TG: variants seen among roughly 807,000 people sequenced by gnomAD.
TG encodes thyroid hormones.
A neutral mutation model predicts 324.7 loss-of-function variants in TG; 270 were observed. The observed-to-expected ratio is 0.83, with a 90% CI of 0.75 to 0.92. TG has a LOEUF of 0.92. Ranked by LOEUF, TG falls within the 40% of genes least tolerant of loss-of-function variation. TG has a pLI of 0.00. For synonymous variants in TG, 1,401 were observed against 1,327.0 expected, an observed-to-expected ratio of 1.06 and a Z score of -1.21; for missense variants, 3,591 against 3,456.4, an observed-to-expected ratio of 1.04 and a Z score of -0.98.
rs1412480668 is a variant in TG at position 132,886,447 on chromosome 8, G to C, written c.1076-1G>C. On this transcript the variant is annotated splice_acceptor_variant, in intron 8 of 47. Transcript: ENST00000220616. LOFTEE classifies it high-confidence loss of function. ...CTCCCATTTCACTTTGTCTCATGCA[G>C]CTGAAGGCCAATCTTGTGCCTCCGA... 26 of 1,614,164 alleles carry C rather than the reference G, an allele frequency of 1.6e-5. No homozygotes were observed. Among genetic ancestry groups the C allele is most frequent in the Non-Finnish European group, 2.0e-5 (24 of 1,180,016 alleles).
At chr8:132,926,774 A>G (rs1000502755) in intron 22 of TG, among the ~76,000 whole-genome samples, 38 of 152,308 alleles carry the variant, frequency 2.5e-4, no homozygotes, top group African/African-American at 9.1e-4. Flanking sequence ...CCTCACAACC[A>G]GAAAACTGAA....
chr8:133,096,846 G>C (rs1848494314), intron 43 of TG, among the ~76,000 whole-genome samples: 2 of 152,214 alleles, frequency 1.3e-5, no homozygotes, highest in South Asian at 4.1e-4. Flanking sequence ...CAATGCACCT[G>C]GCAAACACGC....
Position 133,017,827 on chromosome 8 carries a change from C to T in TG, c.6612C>T (p.Ser2204=). The T allele has an allele frequency of 1.2e-6, 2 of 1,614,186 alleles. No individual in the cohort carries two copies. Among genetic ancestry groups the T allele is most frequent in the Non-Finnish European group, 1.7e-6 (2 of 1,180,038 alleles). ...YEASVPSVPI[S]THGRLLGRSQ... ...CATCTGTACCTTCTGTGCCCATTTC[C>T]ACCCATGGCCGGCTGCTGGGCAGGT... The change falls in exon 38 of 48, where the codon TCC becomes TCT. Residue 2204 remains serine, a synonymous_variant. Coordinates refer to ENST00000220616, the MANE Select transcript of TG (RefSeq NM_003235.5).
chr8:133,071,275 A>C (rs1843978754), intron 41 of TG, among the ~76,000 whole-genome samples: 1 of 152,144 alleles, frequency 6.6e-6, no homozygotes, highest in African/African-American at 2.4e-5. Context: ...CTAACCGGGG[A>C]AACCAAGGCC....
intron 35 of TG, among the ~76,000 whole-genome samples, chr8:133,010,251 T>G (rs192510555): frequency 1.3e-5 from 2 of 152,292 alleles, no homozygotes; most frequent in African/African-American, 4.8e-5. Flanking sequence ...TCCTCCTCTG[T>G]GAAAGAGGCA....
chr8:133,044,052 A>G (rs930016081), intron 41 of TG, among the ~76,000 whole-genome samples: 1 of 152,096 alleles, frequency 6.6e-6, no homozygotes, highest in Admixed American at 6.5e-5. Context: ...GGGAGGGGGA[A>G]CTACTAGTGT....
chr8:133,060,250 C>A (rs1475724156), intron 41 of TG: 6 of 1,611,374 alleles, frequency 3.7e-6, no homozygotes, highest in Non-Finnish European at 5.1e-6. Flanking sequence ...CTGAGCCCTC[C>A]AAGTGGAGAA....
chr8:133,059,991 G>A (rs1475492200), intron 41 of TG: 8 of 1,092,076 alleles, frequency 7.3e-6, no homozygotes, highest in South Asian at 5.3e-5. Context: ...TGAGCCCTTC[G>A]GTACCCATTG....
chr8:132,868,453 C>A (rs963931754), intron 2 of TG, among the ~76,000 whole-genome samples: 2 of 151,978 alleles, frequency 1.3e-5, no homozygotes, highest in Non-Finnish European at 2.9e-5. Flanking sequence ...GAACCCCAAT[C>A]CATGCTTCAT....
chr8:132,996,371 T>C (rs966562410), intron 35 of TG, among the ~76,000 whole-genome samples: 23 of 152,220 alleles, frequency 1.5e-4, no homozygotes, highest in Non-Finnish European at 2.9e-4. Flanking sequence ...TCTTAATCTT[T>C]ATGGAGATAT....
chr8:132,978,285 A>G (rs1830415201), intron 34 of TG, among the ~76,000 whole-genome samples: 1 of 152,104 alleles, frequency 6.6e-6, no homozygotes, highest in Admixed American at 6.5e-5. Context: ...TCTTGTGTGA[A>G]CTCATAGAGC....
chr8:132,930,808 A>G (rs894328368), intron 23 of TG, among the ~76,000 whole-genome samples: 1 of 152,194 alleles, frequency 6.6e-6, no homozygotes, highest in African/African-American at 2.4e-5. Flanking sequence ...GGTTTAGCCA[A>G]CTGGGCCACT....
Position 132,962,975 on chromosome 8 carries a change from C to A in TG, c.5468-19C>A, listed in dbSNP as rs1827980521. 6.2e-7 allele frequency: 1 copy of A among 1,612,476 alleles called. No individual in the cohort carries two copies. Among genetic ancestry groups the A allele is most frequent in the Non-Finnish European group, 8.5e-7 (1 of 1,178,524 alleles). ...CCCATTCTCCCCAACATTGCAACAA[C>A]TCTTTTTTTTCCTCCTAGATTCTGA... On this transcript the variant is annotated intron_variant, in intron 28 of 47. Transcript: ENST00000220616.
intron 5 of TG, among the ~76,000 whole-genome samples, chr8:132,877,157 T>C (rs988598681): frequency 6.6e-6 from 1 of 151,710 alleles, no homozygotes; most frequent in African/African-American, 2.4e-5. Flanking sequence ...ATTTTATTTT[T>C]GAGACAGAGT....
At chr8:132,967,576 C>T (rs1828811367) in intron 30 of TG, among the ~76,000 whole-genome samples, 1 of 152,196 alleles carries the variant, frequency 6.6e-6, no homozygotes, top group Non-Finnish European at 1.5e-5. Context: ...GCCTTCAACT[C>T]TGCCTTTATT....
intron 35 of TG, among the ~76,000 whole-genome samples, chr8:133,003,464 C>T (rs1449260115): frequency 5.5e-5 from 8 of 146,630 alleles, no homozygotes; most frequent in African/African-American, 1.0e-4. Flanking sequence ...TTAGTAGTTT[C>T]GAAATGTGCC....
At chr8:133,033,456 G>T in intron 41 of TG, among the ~76,000 whole-genome samples, 1 of 152,094 alleles carries the variant, frequency 6.6e-6, no homozygotes, top group East Asian at 1.9e-4. Flanking sequence ...TATGATTCAC[G>T]GACCCAGAAA....
intron 18 of TG, among the ~76,000 whole-genome samples, chr8:132,911,067 G>A (rs1819449638): frequency 6.6e-6 from 1 of 152,216 alleles, no homozygotes; most frequent in South Asian, 2.1e-4. Flanking sequence ...GTATGGTGAA[G>A]ACATTTGCAG....
At chr8:133,060,472 T>C in intron 41 of TG, 1 of 1,041,514 alleles carries the variant, frequency 9.6e-7, no homozygotes. Context: ...GCACCCTTGC[T>C]GAGGATGGTA....
Sources: allele counts gnomAD v4.1 joint callset (sites outside exome capture counted in the v4.1 genomes callset), GRCh38; gene constraint gnomAD v4.1.1; transcripts MANE v1.5; gene names NCBI Gene and HGNC (gene_info 2026-07-23, HGNC 2026-07-21).